The following ZNF804B variants were observed in gnomAD, a reference collection of about 807,000 sequenced individuals.
The protein encoded by ZNF804B is zinc finger 804B.
In ZNF804B, 80 loss-of-function variants were observed where a neutral mutation model predicts 101.4. The ratio of observed to expected loss-of-function variants is 0.79; its 90% confidence interval spans 0.66 to 0.95. ZNF804B has a LOEUF of 0.95. ZNF804B is among the 40% of genes least tolerant of loss of function. The pLI, the probability that ZNF804B is intolerant of heterozygous loss-of-function variation, is 0.00. For synonymous variants in ZNF804B, 622 were observed against 558.8 expected (o/e 1.11, Z -1.59); for missense variants, 1,673 against 1,561.9 (o/e 1.07, Z -1.20).
chr7:88,928,677 C>T (rs967149111), intron 1 of ZNF804B, among the ~76,000 whole-genome samples: 2 of 152,106 alleles, frequency 1.3e-5, no homozygotes, highest in Admixed American at 6.6e-5. Flanking sequence ...TCCCTCTGCC[C>T]TTCAAATTAA....
chr7:88,937,068 C>A (rs1169615274), intron 1 of ZNF804B, among the ~76,000 whole-genome samples: 1 of 144,984 alleles, frequency 6.9e-6, no homozygotes, highest in Admixed American at 7.2e-5. Flanking sequence ...AATAGGCCTG[C>A]TTTCTGCCCC....
chr7:88,984,170 T>C (rs1295872558), intron 1 of ZNF804B, among the ~76,000 whole-genome samples: 5 of 152,098 alleles, frequency 3.3e-5, no homozygotes, highest in Admixed American at 6.6e-5. Context: ...CAGAGATATG[T>C]GGATGCTCGA....
chr7:88,780,518 T>C (rs529850531), intron 1 of ZNF804B, among the ~76,000 whole-genome samples: 21 of 150,884 alleles, frequency 1.4e-4, no homozygotes, highest in Non-Finnish European at 2.5e-4. Flanking sequence ...GCCTCCTGAG[T>C]AGCTGGGACT....
In ZNF804B at chr7:88,787,461, G is replaced by A. The variant is rs117438104; in HGVS notation, c.108+27377G>A. ...TTGAGTTTAAAGGCCTTATTACTAG[G>A]AGTTTACATATATATATGTGACAGA... On this transcript the variant is annotated intron_variant, in intron 1 of 3. Coordinates refer to ENST00000333190, the MANE Select transcript of ZNF804B (RefSeq NM_181646.5). Among the ~76,000 whole-genome samples, 155 of 152,070 alleles carry A rather than the reference G, an allele frequency of 1.0e-3. No individual in the cohort carries two copies. In the East Asian group the frequency reaches 0.028, roughly 28 times the overall value.
rs530370244 is a variant in ZNF804B at position 89,046,867 on chromosome 7, CT to C, written c.109-171287del. On this transcript the variant is annotated intron_variant, in intron 1 of 3. Coordinates refer to ENST00000333190, the MANE Select transcript of ZNF804B (RefSeq NM_181646.5). ...AAATAGAATATAATCAATTATATCA[CT>C]GGTGCAGTCCAGTTATTATGATCAA... 1.4e-3 allele frequency among the ~76,000 whole-genome samples: 219 copies of C among 152,100 alleles called. 1 individual carries two copies. Among genetic ancestry groups the C allele is most frequent in the Middle Eastern group, 0.014 (4 of 292 alleles).
intron 1 of ZNF804B, among the ~76,000 whole-genome samples, chr7:89,212,280 CACACACACAA>C (rs762154958): frequency 0.016 from 2,093 of 133,482 alleles, 45 homozygotes; most frequent in African/African-American, 0.05. Context: ...CACACACACA[CACACACACAA>C]ACAGACTGCA....
intron 1 of ZNF804B, among the ~76,000 whole-genome samples, chr7:89,038,092 T>C (rs554041538): frequency 6.6e-6 from 1 of 152,280 alleles, no homozygotes; most frequent in East Asian, 1.9e-4. Flanking sequence ...TGCACTTACA[T>C]TGATTCCATA....
intron 1 of ZNF804B, among the ~76,000 whole-genome samples, chr7:89,015,340 T>C (rs1788530938): frequency 6.6e-6 from 1 of 151,562 alleles, no homozygotes; most frequent in African/African-American, 2.4e-5. Flanking sequence ...TTATTTTATT[T>C]AATTATTATT....
Position 89,335,439 on chromosome 7 carries a change from G to A in ZNF804B, c.2457G>A (p.Gly819=). 2.5e-6 allele frequency: 4 copies of A among 1,613,878 alleles called. No individual in the cohort carries two copies. The highest frequency in any genetic ancestry group is 4.5e-5 in the East Asian group (2 of 44,866). Residue 819 remains glycine (G), a synonymous_variant, in exon 4 of 4, where the codon GGG becomes GGA. Coordinates refer to ENST00000333190, the MANE Select transcript of ZNF804B (RefSeq NM_181646.5). ...GCAAAAATCAACAACAATTTTCAGG[G>A]CTAAAATCTACGAGAATCATCTATT... ...KLGKNQQQFS[G]LKSTRIIYCD...
intron 1 of ZNF804B, among the ~76,000 whole-genome samples, chr7:89,206,675 C>T (rs773748596): frequency 1.3e-5 from 2 of 152,104 alleles, no homozygotes; most frequent in Non-Finnish European, 2.9e-5. Flanking sequence ...TTGCTTGAAC[C>T]CAGGAGGTGG....
At chr7:89,290,548 G>A (rs1170553530) in intron 2 of ZNF804B, among the ~76,000 whole-genome samples, 2 of 152,060 alleles carry the variant, frequency 1.3e-5, no homozygotes, top group African/African-American at 4.8e-5. Flanking sequence ...GAGCCCTTTG[G>A]TCTTAACTGA....
chr7:89,327,989 A>G (rs1020591744), intron 3 of ZNF804B, among the ~76,000 whole-genome samples: 13 of 151,996 alleles, frequency 8.6e-5, no homozygotes, highest in Non-Finnish European at 1.2e-4. Flanking sequence ...ATACTAATAC[A>G]TTCTTGTAGC....
chr7:88,943,302 A>C (rs1039704785), intron 1 of ZNF804B, among the ~76,000 whole-genome samples: 6 of 151,900 alleles, frequency 3.9e-5, no homozygotes, highest in Admixed American at 2.0e-4. Flanking sequence ...CCAGGCCTTG[A>C]AAGTAGTGGT....
chr7:88,906,496 C>T (rs1409878077), intron 1 of ZNF804B, among the ~76,000 whole-genome samples: 1 of 152,070 alleles, frequency 6.6e-6, no homozygotes, highest in Non-Finnish European at 1.5e-5. Flanking sequence ...AATGTTCACC[C>T]AGGAGTTATT....
At chr7:89,045,560 A>G (rs1386887560) in intron 1 of ZNF804B, among the ~76,000 whole-genome samples, 1 of 152,212 alleles carries the variant, frequency 6.6e-6, no homozygotes, top group Non-Finnish European at 1.5e-5. Flanking sequence ...GTGGGAGCCC[A>G]ACACTTGCAT....
At chr7:89,268,313 G>A (rs920573371) in intron 2 of ZNF804B, among the ~76,000 whole-genome samples, 5 of 151,816 alleles carry the variant, frequency 3.3e-5, no homozygotes, top group Non-Finnish European at 7.4e-5. Flanking sequence ...CATATTCAAC[G>A]ATTTTAACAA....
chr7:88,890,314 T>A (rs1057346268), intron 1 of ZNF804B, among the ~76,000 whole-genome samples: 1 of 152,226 alleles, frequency 6.6e-6, no homozygotes, highest in African/African-American at 2.4e-5. Context: ...AACAATTTTT[T>A]AATGAATAAA....
At chr7:89,296,069 G>T (rs543834649) in intron 2 of ZNF804B, among the ~76,000 whole-genome samples, 1 of 152,124 alleles carries the variant, frequency 6.6e-6, no homozygotes, top group African/African-American at 2.4e-5. Flanking sequence ...TGGGTGATAG[G>T]TACACTAAAA....
chr7:89,263,729 G>A (rs952696902), intron 2 of ZNF804B, among the ~76,000 whole-genome samples: 1 of 152,032 alleles, frequency 6.6e-6, no homozygotes, highest in Non-Finnish European at 1.5e-5. Flanking sequence ...AGGAACAGAA[G>A]ATCATGTAAA....
Sources: allele counts gnomAD v4.1 joint callset (sites outside exome capture counted in the v4.1 genomes callset), GRCh38; gene constraint gnomAD v4.1.1; transcripts MANE v1.5; gene names NCBI Gene and HGNC (gene_info 2026-07-23, HGNC 2026-07-21).